Variants in SLC6A16 observed in about 807,000 individuals in gnomAD.
SLC6A16 encodes orphan sodium- and chloride-dependent neurotransmitter transporter NTT5.
Under a neutral mutation model 65.4 loss-of-function variants are expected in SLC6A16, and 54 were observed. The observed-to-expected ratio is 0.83, with a 90% CI of 0.66 to 1.04. The LOEUF is 1.04. Ranked by LOEUF, SLC6A16 falls within the 50% of genes least tolerant of loss-of-function variation. The pLI is 0.00. For missense variants in SLC6A16, 816 were observed against 914.0 expected, an observed-to-expected ratio of 0.89 and a Z score of 1.38; for synonymous variants, 330 against 346.5, an observed-to-expected ratio of 0.95 and a Z score of 0.53.
chr19:49,294,221 G>A (rs1036455799), intron 8 of SLC6A16, 146 bp downstream of exon 8: 19 of 904,216 alleles, frequency 2.1e-5, no homozygotes, highest in Non-Finnish European at 2.8e-5. Context: ...AGGCCATTCC[G>A]CAAAGTATAG....
At chr19:49,317,577 C>T (rs868140807) in intron 1 of SLC6A16, among the ~76,000 whole-genome samples, 5 of 151,862 alleles carry the variant, frequency 3.3e-5, no homozygotes, top group South Asian at 2.1e-4. Flanking sequence ...GAGGCCGAGG[C>T]GGGCGGACCA....
the SLC6A16 span, chr19:49,338,264 C>T: frequency 8.4e-7 from 1 of 1,197,408 alleles, no homozygotes; most frequent in South Asian, 1.7e-5. The surrounding 1 kb of genome is among the most constrained non-coding windows in gnomAD (Gnocchi z 5.0). Context: ...AGACTCCGCC[C>T]CCGCCCCCGC....
In SLC6A16 at chr19:49,290,840, T is replaced by G. The variant is rs1217383553; in HGVS notation, c.1779-73A>C. 5 of 1,288,278 alleles carry G rather than the reference T, an allele frequency of 3.9e-6. No homozygotes were observed. In the South Asian group the frequency reaches 7.2e-5, roughly 19 times the overall value. 79.8% of individuals were successfully genotyped at this position (1,288,278 alleles called of 1,614,324 possible). A position where few individuals can be genotyped will look rare whatever the true frequency, so the allele number is the denominator to read the frequency against. ...CCTTGGAGGCAGGGCCAGCCCAACCTTGGCATCTTTCAAACATTCTATTGT... is the reference window on the plus strand; with the variant it reads ...CCTTGGAGGCAGGGCCAGCCCAACCGTGGCATCTTTCAAACATTCTATTGT... On this transcript the variant is annotated intron_variant, in intron 10 of 11. Transcript: ENST00000335875.
chr19:49,335,882 G>A, the SLC6A16 span: 1 of 995,078 alleles, frequency 1.0e-6, no homozygotes, highest in South Asian at 1.3e-5. The surrounding 1 kb of genome is among the most constrained non-coding windows in gnomAD (Gnocchi z 4.6). Flanking sequence ...GCCCTACTCT[G>A]CAGGCAGGCT....
chr19:49,303,436 C>T (rs1970324792), intron 7 of SLC6A16, among the ~76,000 whole-genome samples: 1 of 152,074 alleles, frequency 6.6e-6, no homozygotes, highest in Non-Finnish European at 1.5e-5. Context: ...ATCATGAGGC[C>T]AGGAGTTCAA....
intron 1 of SLC6A16, chr19:49,312,528 A>G: frequency 1.0e-6 from 1 of 983,532 alleles, no homozygotes; most frequent in African/African-American, 1.7e-5. Flanking sequence ...ATCTAGGGCT[A>G]TTCTCCTCCT....
At chr19:49,311,960 T>C (rs1013122150) in intron 1 of SLC6A16, among the ~76,000 whole-genome samples, 1 of 150,804 alleles carries the variant, frequency 6.6e-6, no homozygotes. Context: ...TTTTTTTTTT[T>C]CCAGCTACTG....
intron 7 of SLC6A16, among the ~76,000 whole-genome samples, chr19:49,300,074 G>A (rs1201755522): frequency 6.6e-6 from 1 of 151,472 alleles, no homozygotes; most frequent in Non-Finnish European, 1.5e-5. Flanking sequence ...GAAGGGCCAG[G>A]ATGCAAGATA....
rs750131243 is a variant in SLC6A16, at chr19:49,309,356, C to T, written c.932G>A (p.Arg311Gln). The change falls in exon 6 of 12, where the codon CGG (arginine) becomes CAG (glutamine). Residue 311 changes from arginine (R) to glutamine (Q), a missense_variant. Coordinates refer to ENST00000335875, the MANE Select transcript of SLC6A16 (RefSeq NM_014037.3). ...TTTTGCCCCTTCCAGGAGTAGAGTC[C>T]GGATGAAGAAACCGACAATGATGAA... is the stretch of plus-strand genomic sequence containing the variant. ...PCFIIVGFFI[R>Q]TLLLEGAKFG... 7.4e-6 allele frequency: 12 copies of T among 1,613,842 alleles called. No homozygotes were observed. The highest frequency in any genetic ancestry group is 4.4e-5 in the South Asian group (4 of 91,078).
intron 1 of SLC6A16, among the ~76,000 whole-genome samples, chr19:49,319,718 C>T (rs2146169518): frequency 6.6e-6 from 1 of 152,150 alleles, no homozygotes; most frequent in South Asian, 2.1e-4. Flanking sequence ...CCAGATCTAA[C>T]AGATGTATTC....
In SLC6A16 at chr19:49,289,799, G is replaced by C. The variant is rs2146052886; in HGVS notation, c.*324C>G. 6.5e-6 allele frequency: 2 copies of C among 306,304 alleles called. No individual in the cohort carries two copies. Among genetic ancestry groups the C allele is most frequent in the South Asian group, 1.1e-4 (2 of 17,648 alleles). 19.0% of individuals were successfully genotyped at this position (306,304 alleles called of 1,614,324 possible). Reference sequence around the variant, plus strand: ...CAGTAGACTGATTTATTCACCAACAGCATTGCTCCTCCAGCTCCATTCCAG... The same window carrying C: ...CAGTAGACTGATTTATTCACCAACACCATTGCTCCTCCAGCTCCATTCCAG... On this transcript the variant is annotated 3_prime_UTR_variant, in exon 12 of 12. Coordinates refer to ENST00000335875, the MANE Select transcript of SLC6A16 (RefSeq NM_014037.3).
At chr19:49,325,201 G>C, upstream of SLC6A16, 1 of 985,514 alleles carries the variant, frequency 1.0e-6, no homozygotes, top group Non-Finnish European at 1.2e-6. Context: ...TGCCTGGCGC[G>C]CGGCCTTTCC....
chr19:49,313,706 G>C (rs1479959741), intron 1 of SLC6A16, among the ~76,000 whole-genome samples: 2 of 151,602 alleles, frequency 1.3e-5, no homozygotes, highest in East Asian at 3.9e-4. Context: ...TGACTTAGGA[G>C]AATCACTTGA....
chr19:49,309,917 C>T, intron 4 of SLC6A16, 91 bp from the exon 5 acceptor site: 2 of 1,514,624 alleles, frequency 1.3e-6, no homozygotes, highest in South Asian at 2.4e-5. Context: ...CTCTTTCCCT[C>T]TCCCATTTCT....
Position 49,289,873 on chromosome 19 carries a change from G to A in SLC6A16, c.*250C>T. The A allele has an allele frequency of 1.9e-6, 1 of 530,142 alleles. No homozygotes were observed. The allele number at this position is 530,142 out of a possible 1,614,324, so 32.8% of individuals were successfully genotyped here. A position where few individuals can be genotyped will look rare whatever the true frequency, so the allele number is the denominator to read the frequency against. On this transcript the variant is annotated 3_prime_UTR_variant, in exon 12 of 12. Coordinates refer to ENST00000335875, the MANE Select transcript of SLC6A16 (RefSeq NM_014037.3). ...AGGACTGGTAGACATCACTAGTATTGTATATGTGTTGTGCATGTATGTGTG... is the reference window on the plus strand; with the variant it reads ...AGGACTGGTAGACATCACTAGTATTATATATGTGTTGTGCATGTATGTGTG...
At chr19:49,335,266 G>A in the SLC6A16 span, 4 of 494,608 alleles carry the variant, frequency 8.1e-6, no homozygotes, top group Non-Finnish European at 1.4e-5. This position sits in a 1 kb window ranked among gnomAD's most constrained non-coding sequence, Gnocchi z 4.6. Context: ...ATGAGTCCTT[G>A]GTGCCCACAA....
the SLC6A16 span, among the ~76,000 whole-genome samples, chr19:49,333,261 T>A: frequency 2.0e-5 from 3 of 151,620 alleles, no homozygotes; most frequent in Non-Finnish European, 4.4e-5. Context: ...TCACTTGAGG[T>A]CAGGAGTTCG....
the SLC6A16 span, chr19:49,337,234 C>T: frequency 6.2e-7 from 1 of 1,611,728 alleles, no homozygotes; most frequent in South Asian, 1.1e-5. Flanking sequence ...GAGCTTCCTG[C>T]AGTGGCCACC....
At position 49,310,473 on chromosome 19, in the gene SLC6A16, C is replaced by G. The variant is rs766561655; in HGVS notation, c.453G>C (p.Leu151=). Residue 151 remains leucine, a synonymous_variant, in exon 3 of 12, where the codon CTG becomes CTC. Coordinates refer to ENST00000335875, the MANE Select transcript of SLC6A16 (RefSeq NM_014037.3). ...CCAGGAAGAGAAGAGGAACCCCGACCAGGAACAGCATGAAGATGTAGATGG... is the reference window on the plus strand; with the variant it reads ...CCAGGAAGAGAAGAGGAACCCCGACGAGGAACAGCATGAAGATGTAGATGG... ...FAAIYIFMLF[L]VGVPLLFLEM... is the part of the protein sequence containing the mutation. 1.9e-5 allele frequency: 30 copies of G among 1,613,998 alleles called. No homozygotes were observed. The African/African-American group carries it at 2.3e-4, about 12-fold the overall frequency.
Sources: gnomAD v4.1 joint callset for allele counts (sites outside exome capture counted in the v4.1 genomes callset) on GRCh38, gnomAD v4.1.1 for gene constraint, Gnocchi (gnomAD v3.1) non-coding constraint, MANE v1.5 for transcripts, NCBI Gene and HGNC (gene_info 2026-07-23, HGNC 2026-07-21) for gene names.